TTL: variants seen among roughly 807,000 people sequenced by gnomAD.
TTL encodes the protein tubulin tyrosine ligase.
In TTL, 10 loss-of-function variants were observed where a neutral mutation model predicts 41.1. The observed-to-expected ratio is 0.24, with a 90% CI of 0.15 to 0.41. The LOEUF (loss-of-function observed/expected upper bound fraction) is 0.41. TTL is among the 10% of genes least tolerant of loss of function. The pLI, the probability that TTL is intolerant of heterozygous loss-of-function variation, is 1.00. For missense variants in TTL, 367 were observed against 460.4 expected (o/e 0.80, Z 1.86); for synonymous variants, 175 against 175.5 (o/e 1.00, Z 0.02).
chr2:112,515,821 C>T (rs922879140), intron 5 of TTL, among the ~76,000 whole-genome samples: 3 of 152,070 alleles, frequency 2.0e-5, no homozygotes, highest in Non-Finnish European at 4.4e-5. Context: ...GTGGTGGGCA[C>T]CTGTAGTCCC....
rs1239642962 is a variant in TTL at position 112,535,349 on chromosome 2, T to G, written c.*6554T>G. The stretch of plus-strand genomic sequence containing the variant: ...ACCAACATACACATAATAGGAGTCC[T>G]AGAATAGATAAGTGAGAGAGAGGGA... On this transcript the variant is annotated 3_prime_UTR_variant, in exon 7 of 7. Transcript: ENST00000233336. 1.3e-5 allele frequency: 2 copies of G among 151,680 alleles called. No individual in the cohort carries two copies. Among genetic ancestry groups the G allele is most frequent in the Admixed American group, 1.3e-4 (2 of 15,218 alleles). The allele number at this position is 151,680 out of a possible 1,614,324, so 9.4% of individuals were successfully genotyped here.
In TTL at chr2:112,533,440, A is replaced by G. The variant is rs1009641575; in HGVS notation, c.*4645A>G. Reference sequence around the variant, plus strand: ...TTAACCTGAAGTTCTCCCATAACCCATATTTTAGAAGTGTTTTCCCCAAAG... The same window carrying G: ...TTAACCTGAAGTTCTCCCATAACCCGTATTTTAGAAGTGTTTTCCCCAAAG... On this transcript the variant is annotated 3_prime_UTR_variant, in exon 7 of 7. Coordinates refer to ENST00000233336, the MANE Select transcript of TTL (RefSeq NM_153712.5). 2.0e-5 allele frequency: 3 copies of G among 152,256 alleles called. No individual in the cohort carries two copies. The highest frequency in any genetic ancestry group is 6.5e-5 in the Admixed American group (1 of 15,276). The allele number at this position is 152,256 out of a possible 1,614,324, so 9.4% of individuals were successfully genotyped here.
intron 6 of TTL, chr2:112,521,310 G>A (rs1682220607): frequency 1.0e-6 from 1 of 985,288 alleles, no homozygotes; most frequent in African/African-American, 1.7e-5. Context: ...GTTGTAGCAT[G>A]AGCGTCATGG....
chr2:112,513,571 A>AAGTATAAATATTTATACAAGTATAAG (rs1681982971), intron 5 of TTL, among the ~76,000 whole-genome samples: 3 of 148,270 alleles, frequency 2.0e-5, no homozygotes, highest in African/African-American at 7.4e-5. Context: ...ACAAATATAC[A>AAGTATAAATATTTATACAAGTATAAG]TATAAATATT....
intron 2 of TTL, 81 bp downstream of exon 2, chr2:112,486,076 A>C: frequency 1.4e-6 from 2 of 1,380,726 alleles, no homozygotes; most frequent in South Asian, 2.4e-5. Context: ...TAAAGGACAA[A>C]CATACTTTTA....
chr2:112,512,583 G>A (rs1681953903), intron 5 of TTL, among the ~76,000 whole-genome samples: 1 of 152,000 alleles, frequency 6.6e-6, no homozygotes, highest in Non-Finnish European at 1.5e-5. Context: ...TTTTAGTAGA[G>A]ATGAGGTTTC....
Position 112,535,833 on chromosome 2 carries a change from C to T in TTL, c.*7038C>T, listed in dbSNP as rs1574078265. 1 of 152,260 alleles carries T rather than the reference C, an allele frequency of 6.6e-6. No homozygotes were observed. Among genetic ancestry groups the T allele is most frequent in the Non-Finnish European group, 1.5e-5 (1 of 68,024 alleles). 9.4% of individuals were successfully genotyped at this position (152,260 alleles called of 1,614,324 possible). On this transcript the variant is annotated 3_prime_UTR_variant, in exon 7 of 7. Coordinates refer to ENST00000233336, the MANE Select transcript of TTL (RefSeq NM_153712.5). ...TATTTTTATTATTTAGAGACAGAGTCTTGCTCTGTTGCCTAGGTTGGAGTC... is the reference window on the plus strand; with the variant it reads ...TATTTTTATTATTTAGAGACAGAGTTTTGCTCTGTTGCCTAGGTTGGAGTC...
chr2:112,522,787 C>T (rs1480217690), intron 6 of TTL, among the ~76,000 whole-genome samples: 1 of 152,176 alleles, frequency 6.6e-6, no homozygotes, highest in Non-Finnish European at 1.5e-5. Context: ...TCAAGTCCTG[C>T]CCATCAGGGC....
intron 2 of TTL, among the ~76,000 whole-genome samples, chr2:112,490,259 C>CA (rs1174286755): frequency 1.2e-3 from 174 of 151,116 alleles, no homozygotes; most frequent in African/African-American, 4.0e-3. Flanking sequence ...CTTCCAAATA[C>CA]AAAAAAAAAT....
In TTL at chr2:112,485,921, C is replaced by T. The variant is rs760387324; in HGVS notation, c.162C>T (p.His54=). Residue 54 remains histidine (H), a synonymous_variant, in exon 2 of 7, where the codon CAC becomes CAT. Coordinates refer to ENST00000233336, the MANE Select transcript of TTL (RefSeq NM_153712.5). ...RNRLPFGRLG[H]EPGLVQLVNY... Reference sequence around the variant, plus strand: ...AGCCTCCTCTTTCCTTCCTAGGTCACGAGCCCGGGCTGGTACAGTTGGTGA... The same window carrying T: ...AGCCTCCTCTTTCCTTCCTAGGTCATGAGCCCGGGCTGGTACAGTTGGTGA... 67 of 1,611,818 alleles carry T rather than the reference C, an allele frequency of 4.2e-5. No individual in the cohort carries two copies. Among genetic ancestry groups the T allele is most frequent in the African/African-American group, 9.6e-5 (7 of 73,028 alleles).
chr2:112,482,554 T>C lies in TTL; in HGVS notation c.157+53T>C. ...CCTCCTCGGAGCGGCCCTGCGCGCC[T>C]CCCGCGGCCCGTTAGAACCGGCGCT... On this transcript the variant is annotated intron_variant, in intron 1 of 6. Coordinates refer to ENST00000233336, the MANE Select transcript of TTL (RefSeq NM_153712.5). This position sits in a 1 kb window ranked among gnomAD's most constrained non-coding sequence, Gnocchi z 5.3. The C allele has an allele frequency of 6.6e-7, 1 of 1,518,518 alleles. No homozygotes were observed. The highest frequency in any genetic ancestry group is 2.1e-5 in the Admixed American group (1 of 47,214). 94.1% of individuals were successfully genotyped at this position (1,518,518 alleles called of 1,614,324 possible). A position where few individuals can be genotyped will look rare whatever the true frequency, so the allele number is the denominator to read the frequency against.
chr2:112,495,583 A>G (rs1408572296), intron 3 of TTL, among the ~76,000 whole-genome samples: 1 of 152,188 alleles, frequency 6.6e-6, no homozygotes, highest in East Asian at 1.9e-4. Flanking sequence ...ATAGTGGCTC[A>G]CTGCCTGTAA....
intron 5 of TTL, among the ~76,000 whole-genome samples, chr2:112,513,700 A>C (rs968762289): frequency 3.3e-5 from 5 of 151,536 alleles, no homozygotes; most frequent in Admixed American, 3.3e-4. Context: ...CAAAAATACA[A>C]GCTATATAGA....
chr2:112,528,461 A>G (rs1287096978), intron 6 of TTL, among the ~76,000 whole-genome samples: 1 of 152,116 alleles, frequency 6.6e-6, no homozygotes, highest in Non-Finnish European at 1.5e-5. Context: ...TTAGCTGGGC[A>G]TGGTGGGGCA....
chr2:112,509,685 C>CGCACACACACTGGCCTGCGCCCACTGT (rs1681872683), intron 5 of TTL, among the ~76,000 whole-genome samples: 1 of 152,204 alleles, frequency 6.6e-6, no homozygotes, highest in Non-Finnish European at 1.5e-5. Flanking sequence ...GCGCACGGTG[C>CGCACACACACTGGCCTGCGCCCACTGT]GCACACACAC....
Position 112,494,138 on chromosome 2 carries a change from GC to G in TTL, c.237-3del. On this transcript the variant is annotated splice_polypyrimidine_tract_variant and splice_region_variant and intron_variant, in intron 2 of 6. Coordinates refer to ENST00000233336, the MANE Select transcript of TTL (RefSeq NM_153712.5). ...GGAGGCTGATCCTCTTCTGTCATCT[GC>G]CAGGCTAATCAAGACAAGCCCTGAA... 6.2e-7 allele frequency: 1 copy of G among 1,612,352 alleles called. No individual in the cohort carries two copies. The highest frequency in any genetic ancestry group is 1.1e-5 in the South Asian group (1 of 90,980).
intron 3 of TTL, among the ~76,000 whole-genome samples, 171 bp downstream of exon 3, chr2:112,494,546 A>G (rs1681475859): frequency 6.6e-6 from 1 of 152,176 alleles, no homozygotes; most frequent in Admixed American, 6.5e-5. Flanking sequence ...TATCTCCAGT[A>G]TGGTCTTTTC....
Position 112,531,926 on chromosome 2 carries a change from T to TAATTA in TTL, c.*3131_*3132insAATTA, listed in dbSNP as rs1401358088. ...AAATATGTATTAAGGGTATTAATTA[T>TAATTA]TGAAAGTCCCTTTCCCCAAAACTCA... On this transcript the variant is annotated 3_prime_UTR_variant, in exon 7 of 7. Transcript: ENST00000233336. The TAATTA allele has an allele frequency of 8.0e-5, 18 of 224,194 alleles. No homozygotes were observed. The Admixed American group carries it at 9.7e-4, about 12-fold the overall frequency. The allele number at this position is 224,194 out of a possible 1,614,324, so 13.9% of individuals were successfully genotyped here. A position where few individuals can be genotyped will look rare whatever the true frequency, so the allele number is the denominator to read the frequency against.
At chr2:112,483,229 G>T (rs1681143699) in intron 1 of TTL, 1 of 152,280 alleles carries the variant, frequency 6.6e-6, no homozygotes, top group African/African-American at 2.4e-5. Context: ...CATCCACATG[G>T]TTGAAGCTGG....
Sources: allele counts gnomAD v4.1 joint callset (sites outside exome capture counted in the v4.1 genomes callset), GRCh38; gene constraint gnomAD v4.1.1; non-coding constraint Gnocchi (gnomAD v3.1); transcripts MANE v1.5; gene names NCBI Gene and HGNC (gene_info 2026-07-23, HGNC 2026-07-21).